CTNNA3: variants seen among roughly 807,000 people sequenced by gnomAD.
CTNNA3 encodes catenin alpha-3.
A neutral mutation model predicts 95.7 loss-of-function variants in CTNNA3; 76 were observed. The observed-to-expected ratio is 0.79, with a 90% CI of 0.66 to 0.96. CTNNA3 has a LOEUF of 0.96. Among genes scored for constraint, CTNNA3 ranks in the 40% least tolerant of loss-of-function variants. CTNNA3 has a pLI of 0.00. For synonymous variants in CTNNA3, 431 were observed against 374.4 expected, an observed-to-expected ratio of 1.15 and a Z score of -1.74; for missense variants, 1,191 against 1,089.8, an observed-to-expected ratio of 1.09 and a Z score of -1.31.
chr10:66,957,443 C>CAT (rs1266828606), intron 7 of CTNNA3, among the ~76,000 whole-genome samples: 1 of 22,158 alleles, frequency 4.5e-5, no homozygotes, highest in Non-Finnish European at 8.7e-5. Context: ...TATATATATG[C>CAT]ATATATATAT....
At position 67,131,934 on chromosome 10, in the gene CTNNA3, A is replaced by G. The variant is rs1319525428; in HGVS notation, c.1047+48383T>C. Among the ~76,000 whole-genome samples, 7 of 152,108 alleles carry G rather than the reference A, an allele frequency of 4.6e-5. No homozygotes were observed. The East Asian group carries it at 1.3e-3, about 29-fold the overall frequency. On this transcript the variant is annotated intron_variant, in intron 7 of 17. Coordinates refer to ENST00000433211, the MANE Select transcript of CTNNA3 (RefSeq NM_013266.4). ...AATTCAGAAAGCATTTTAAGTAAGG[A>G]GTATCATACTCATATTTCCATTACA...
At chr10:67,227,920 A>C (rs1865000760) in intron 5 of CTNNA3, among the ~76,000 whole-genome samples, 1 of 152,210 alleles carries the variant, frequency 6.6e-6, no homozygotes, top group Admixed American at 6.5e-5. Context: ...AAACACATGG[A>C]AATTAAATAA....
intron 12 of CTNNA3, among the ~76,000 whole-genome samples, chr10:66,342,758 C>T (rs1257386987): frequency 6.6e-6 from 1 of 151,934 alleles, no homozygotes; most frequent in African/African-American, 2.4e-5. Context: ...GTAATATAAG[C>T]CACATCACAG....
intron 10 of CTNNA3, among the ~76,000 whole-genome samples, chr10:66,570,019 A>G (rs1002620419): frequency 6.6e-6 from 1 of 152,316 alleles, no homozygotes; most frequent in East Asian, 1.9e-4. Context: ...TCTTTGGTCT[A>G]CCACATATCT....
chr10:65,950,787 A>G (rs2077596838), intron 17 of CTNNA3, among the ~76,000 whole-genome samples: 1 of 152,238 alleles, frequency 6.6e-6, no homozygotes, highest in Non-Finnish European at 1.5e-5. Flanking sequence ...ATAAGAATAT[A>G]GTAATTATTG....
At chr10:66,926,487 C>G (rs1173600112) in intron 7 of CTNNA3, 2 of 1,408,842 alleles carry the variant, frequency 1.4e-6, no homozygotes, top group African/African-American at 1.4e-5. Flanking sequence ...TGTCAGCGAG[C>G]CCTGACTCAC....
At chr10:66,060,647 G>A (rs750766186) in intron 15 of CTNNA3, among the ~76,000 whole-genome samples, 3 of 152,044 alleles carry the variant, frequency 2.0e-5, no homozygotes, top group Non-Finnish European at 2.9e-5. Context: ...GATTAAACTT[G>A]GGGATGAAGA....
At chr10:67,737,547 C>G (rs549836581) in intron 1 of CTNNA3, among the ~76,000 whole-genome samples, 1 of 152,172 alleles carries the variant, frequency 6.6e-6, no homozygotes, top group African/African-American at 2.4e-5. Flanking sequence ...AAGGATCAAC[C>G]AAATTAAAAG....
At chr10:67,209,504 C>T (rs986040238) in intron 6 of CTNNA3, among the ~76,000 whole-genome samples, 22 of 152,022 alleles carry the variant, frequency 1.4e-4, no homozygotes, top group African/African-American at 5.1e-4. Context: ...ATTACAATTA[C>T]GAACTTTTAA....
At chr10:66,813,338 C>A (rs1425077909) in intron 7 of CTNNA3, among the ~76,000 whole-genome samples, 1 of 152,104 alleles carries the variant, frequency 6.6e-6, no homozygotes, top group East Asian at 1.9e-4. Flanking sequence ...TTCATTATCA[C>A]TAAAAGCATT....
chr10:66,685,223 A>ATATATGTATATATGTGTGTG (rs1847221773), intron 9 of CTNNA3, among the ~76,000 whole-genome samples: 1 of 141,624 alleles, frequency 7.1e-6, no homozygotes, highest in African/African-American at 2.6e-5. Context: ...ATATGTGTAT[A>ATATATGTATATATGTGTGTG]TATATACGTA....
chr10:67,359,946 T>C (rs562955438), intron 5 of CTNNA3, among the ~76,000 whole-genome samples: 3 of 152,082 alleles, frequency 2.0e-5, no homozygotes, highest in African/African-American at 7.2e-5. Flanking sequence ...AAAAGGTAGC[T>C]AGAAAAAAGG....
At chr10:66,487,721 AC>A (rs1283627169) in intron 11 of CTNNA3, among the ~76,000 whole-genome samples, 1 of 152,214 alleles carries the variant, frequency 6.6e-6, no homozygotes, top group Non-Finnish European at 1.5e-5. Flanking sequence ...ACAAAACAAA[AC>A]AAAAAACCTT....
chr10:66,332,805 C>A (rs1297362747), intron 12 of CTNNA3, among the ~76,000 whole-genome samples: 2 of 152,032 alleles, frequency 1.3e-5, no homozygotes, highest in Non-Finnish European at 2.9e-5. Context: ...AGGAATGGTA[C>A]CAGCTCCTCC....
intron 11 of CTNNA3, among the ~76,000 whole-genome samples, chr10:66,478,561 T>G (rs1325459335): frequency 6.6e-6 from 1 of 151,850 alleles, no homozygotes; most frequent in Non-Finnish European, 1.5e-5. Flanking sequence ...TTTAAATTTT[T>G]GATGAAAAAA....
At chr10:66,288,467 C>T (rs761372548) in intron 12 of CTNNA3, among the ~76,000 whole-genome samples, 5 of 152,042 alleles carry the variant, frequency 3.3e-5, no homozygotes, top group Non-Finnish European at 7.4e-5. Flanking sequence ...AAATTTTTAA[C>T]GTGTGCACCA....
At chr10:67,220,601 T>G (rs1864609297) in intron 5 of CTNNA3, among the ~76,000 whole-genome samples, 1 of 152,162 alleles carries the variant, frequency 6.6e-6, no homozygotes, top group Admixed American at 6.5e-5. Flanking sequence ...TCATAGAGAT[T>G]GACTTGAAAG....
intron 10 of CTNNA3, among the ~76,000 whole-genome samples, chr10:66,588,718 C>T (rs1371994274): frequency 6.6e-6 from 1 of 152,074 alleles, no homozygotes; most frequent in Non-Finnish European, 1.5e-5. Flanking sequence ...AGAATACCAG[C>T]ATATTTGGAT....
At chr10:67,463,964 C>T (rs377267764) in intron 5 of CTNNA3, among the ~76,000 whole-genome samples, 30 of 152,154 alleles carry the variant, frequency 2.0e-4, no homozygotes, top group African/African-American at 7.0e-4. Flanking sequence ...TTCTCATGAT[C>T]CTCAATTATG....
Sources: allele counts gnomAD v4.1 joint callset (sites outside exome capture counted in the v4.1 genomes callset), GRCh38; gene constraint gnomAD v4.1.1; transcripts MANE v1.5; gene names NCBI Gene and HGNC (gene_info 2026-07-23, HGNC 2026-07-21).